TMEM38B: variants seen among roughly 807,000 people sequenced by gnomAD.
TMEM38B encodes the protein transmembrane protein 38B.
TMEM38B carries 24 observed loss-of-function variants against 28.7 expected under a neutral mutation model. That is an observed-to-expected ratio of 0.84 (90% CI 0.61 to 1.18). The LOEUF (loss-of-function observed/expected upper bound fraction) is 1.18, where lower values mean the gene tolerates loss of function less well. Among genes scored for constraint, TMEM38B ranks in the 50% most tolerant of loss-of-function variants. The pLI, the probability that TMEM38B is intolerant of heterozygous loss-of-function variation, is 0.00. For missense variants in TMEM38B, 380 were observed against 350.9 expected (o/e 1.08, Z -0.66); for synonymous variants, 131 against 127.7 (o/e 1.03, Z -0.17).
At chr9:105,755,176 C>T (rs895047645) in intron 5 of TMEM38B, among the ~76,000 whole-genome samples, 2 of 152,128 alleles carry the variant, frequency 1.3e-5, no homozygotes, top group African/African-American at 2.4e-5. Context: ...AAGCCCAGGA[C>T]CAGATGGATT....
chr9:105,705,409 A>T (rs538106756), intron 1 of TMEM38B, among the ~76,000 whole-genome samples, 188 bp from the exon 2 acceptor site: 5 of 152,314 alleles, frequency 3.3e-5, no homozygotes, highest in African/African-American at 1.2e-4. Flanking sequence ...CCATTAACAA[A>T]ATGTTTCCAG....
chr9:105,708,791 TATCAC>T (rs1431000550), intron 2 of TMEM38B, among the ~76,000 whole-genome samples: 1 of 152,126 alleles, frequency 6.6e-6, no homozygotes, highest in Non-Finnish European at 1.5e-5. Flanking sequence ...CTCCCATGAC[TATCAC>T]ATCATCCTTC....
intron 1 of TMEM38B, among the ~76,000 whole-genome samples, chr9:105,699,408 T>C (rs1227915081): frequency 6.6e-6 from 1 of 152,162 alleles, no homozygotes; most frequent in Non-Finnish European, 1.5e-5. Context: ...ATATTTACCC[T>C]CTCAGACGTG....
chr9:105,707,185 G>A (rs10115662), intron 2 of TMEM38B, among the ~76,000 whole-genome samples: 1,540 of 152,248 alleles, frequency 0.01, 23 homozygotes, highest in African/African-American at 0.035. Context: ...TATACAACAT[G>A]ATAAAATCAT....
At chr9:105,756,511 T>C (rs1242922720) in intron 5 of TMEM38B, among the ~76,000 whole-genome samples, 1 of 152,212 alleles carries the variant, frequency 6.6e-6, no homozygotes, top group African/African-American at 2.4e-5. Flanking sequence ...AACTTTAATC[T>C]TTAAAGAAAA....
At chr9:105,773,681 G>A (rs868767374) in intron 5 of TMEM38B, among the ~76,000 whole-genome samples, 184 bp from the exon 6 acceptor site, 10 of 152,202 alleles carry the variant, frequency 6.6e-5, no homozygotes, top group Middle Eastern at 3.4e-3. Flanking sequence ...TTTTTAATGA[G>A]TTGTGTTATT....
chr9:105,743,473 G>A (rs1036195987), intron 4 of TMEM38B, among the ~76,000 whole-genome samples: 5 of 152,118 alleles, frequency 3.3e-5, no homozygotes, highest in African/African-American at 1.2e-4. Flanking sequence ...TTTTTTACTT[G>A]TAAGATAGAG....
chr9:105,761,429 G>C (rs10465120), intron 5 of TMEM38B, among the ~76,000 whole-genome samples: 1 of 152,034 alleles, frequency 6.6e-6, no homozygotes, highest in African/African-American at 2.4e-5. Context: ...CGTAAAAGAA[G>C]TATAAGGCAA....
intron 5 of TMEM38B, among the ~76,000 whole-genome samples, chr9:105,751,646 A>G (rs751601638): frequency 3.9e-5 from 6 of 152,226 alleles, no homozygotes; most frequent in Non-Finnish European, 7.3e-5. Context: ...CTTGGGTTCC[A>G]GCCTGCCAAC....
At chr9:105,709,952 T>G (rs1228620175) in intron 2 of TMEM38B, among the ~76,000 whole-genome samples, 1 of 152,218 alleles carries the variant, frequency 6.6e-6, no homozygotes, top group Non-Finnish European at 1.5e-5. Flanking sequence ...CATCCTAGTT[T>G]CCAATAATTT....
chr9:105,742,353 T>C (rs1837238695), intron 4 of TMEM38B, among the ~76,000 whole-genome samples: 1 of 152,212 alleles, frequency 6.6e-6, no homozygotes, highest in South Asian at 2.1e-4. Context: ...CAGAAGATTA[T>C]TCCCAGGCTT....
chr9:105,710,018 T>C (rs1267376199), intron 2 of TMEM38B, among the ~76,000 whole-genome samples: 1 of 152,230 alleles, frequency 6.6e-6, no homozygotes, highest in Non-Finnish European at 1.5e-5. Flanking sequence ...TAGGGATTAG[T>C]TTCCGCAAGT....
chr9:105,752,046 A>G (rs951980588), intron 5 of TMEM38B, among the ~76,000 whole-genome samples: 1 of 152,172 alleles, frequency 6.6e-6, no homozygotes, highest in Non-Finnish European at 1.5e-5. Flanking sequence ...TTTCCCCACA[A>G]TGCAGCACAG....
At chr9:105,759,818 A>T in intron 5 of TMEM38B, 1 of 1,605,742 alleles carries the variant, frequency 6.2e-7, no homozygotes, top group Non-Finnish European at 8.5e-7. Flanking sequence ...TGTAATGGGA[A>T]ATGCAAGTCA....
chr9:105,761,210 A>G (rs1268790211), intron 5 of TMEM38B, among the ~76,000 whole-genome samples: 1 of 152,204 alleles, frequency 6.6e-6, no homozygotes, highest in African/African-American at 2.4e-5. Flanking sequence ...TCAGTGAGAT[A>G]ATTCTCAGCT....
At chr9:105,760,566 TA>T (rs777436384) in intron 5 of TMEM38B, 3 of 743,794 alleles carry the variant, frequency 4.0e-6, no homozygotes, top group Non-Finnish European at 7.3e-6. Flanking sequence ...AAAATGTTAT[TA>T]AAAACAAGAG....
chr9:105,770,590 A>T (rs1407021493), intron 5 of TMEM38B, among the ~76,000 whole-genome samples: 2 of 152,076 alleles, frequency 1.3e-5, no homozygotes, highest in African/African-American at 4.8e-5. Flanking sequence ...ATTTATTTGA[A>T]TCATTCATGT....
intron 5 of TMEM38B, among the ~76,000 whole-genome samples, chr9:105,748,904 A>G (rs1194056224): frequency 6.6e-6 from 1 of 152,192 alleles, no homozygotes; most frequent in Non-Finnish European, 1.5e-5. Context: ...TTGATTTTGT[A>G]ATAAGATTAT....
At chr9:105,769,023 G>A (rs1046156562) in intron 5 of TMEM38B, among the ~76,000 whole-genome samples, 15 of 152,182 alleles carry the variant, frequency 9.9e-5, no homozygotes, top group African/African-American at 3.6e-4. Flanking sequence ...AAAAGCCACT[G>A]TGGACAAAGT....
Sources: gnomAD v4.1 joint callset for allele counts (sites outside exome capture counted in the v4.1 genomes callset) on GRCh38, gnomAD v4.1.1 for gene constraint, MANE v1.5 for transcripts, NCBI Gene and HGNC (gene_info 2026-07-23, HGNC 2026-07-21) for gene names.